AGPAT5: variants seen among roughly 807,000 people sequenced by gnomAD.
The protein encoded by AGPAT5 is 1-acylglycerol-3-phosphate O-acyltransferase 5.
Under a neutral mutation model 45.6 loss-of-function variants are expected in AGPAT5, and 46 were observed. The observed-to-expected ratio is 1.01, with a 90% CI of 0.80 to 1.29. The LOEUF is 1.29. AGPAT5 is among the 50% of genes most tolerant of loss of function. The probability of loss-of-function intolerance (pLI) is 0.00; values close to 1 mark genes in which losing one functional copy is unlikely to be tolerated. For missense variants in AGPAT5, 673 were observed against 450.7 expected, an observed-to-expected ratio of 1.49 and a Z score of -4.47; for synonymous variants, 272 against 167.0, an observed-to-expected ratio of 1.63 and a Z score of -4.85.
At chr8:6,724,279 T>C (rs542635059) in intron 1 of AGPAT5, among the ~76,000 whole-genome samples, 1 of 152,314 alleles carries the variant, frequency 6.6e-6, no homozygotes, top group African/African-American at 2.4e-5. Flanking sequence ...ACACTGCCCA[T>C]GTTCCCAACA....
At chr8:6,752,951 G>C (rs1324007668) in intron 6 of AGPAT5, among the ~76,000 whole-genome samples, 1 of 152,132 alleles carries the variant, frequency 6.6e-6, no homozygotes, top group Non-Finnish European at 1.5e-5. Context: ...CTGAACCTTA[G>C]GGACTTGGCT....
intron 4 of AGPAT5, among the ~76,000 whole-genome samples, chr8:6,740,820 C>T (rs193011459): frequency 6.6e-6 from 1 of 152,092 alleles, no homozygotes; most frequent in Admixed American, 6.5e-5. Context: ...ATCCAATAAA[C>T]GTAGTTTTCT....
chr8:6,741,510 T>G (rs1390615389), intron 4 of AGPAT5, 151 bp from the exon 5 acceptor site: 1 of 509,068 alleles, frequency 2.0e-6, no homozygotes, highest in Admixed American at 3.8e-5. Flanking sequence ...TGTTTGCCCC[T>G]CTTGAAACGA....
At chr8:6,754,993 T>C (rs1801784844) in intron 6 of AGPAT5, 58 bp from the exon 7 acceptor site, 6 of 1,392,782 alleles carry the variant, frequency 4.3e-6, no homozygotes, top group Non-Finnish European at 4.8e-6. Flanking sequence ...ATTTTTACTT[T>C]ATATGACCAT....
chr8:6,758,452 C>T lies in AGPAT5; in HGVS notation c.*1064C>T, dbSNP rs2911970. ...GTGGTGCTGCTCAGCGGCTTGCACG[C>T]AGACTTGCTAGGAAGAAATGCAGAG... On this transcript the variant is annotated 3_prime_UTR_variant, in exon 8 of 8. Coordinates refer to ENST00000285518, the MANE Select transcript of AGPAT5 (RefSeq NM_018361.5). 122,945 of 152,652 alleles carry T rather than the reference C, an allele frequency of 0.81. 50,257 individuals carry two copies. The highest frequency in any genetic ancestry group is 0.94 in the African/African-American group (39,196 of 41,560). The allele number at this position is 152,652 out of a possible 1,614,324, so 9.5% of individuals were successfully genotyped here.
intron 4 of AGPAT5, among the ~76,000 whole-genome samples, chr8:6,734,822 C>T (rs1353440932): frequency 2.0e-5 from 3 of 151,972 alleles, no homozygotes; most frequent in Admixed American, 6.6e-5. Flanking sequence ...GGGTTTTGCT[C>T]ATGTGCTTTT....
intron 2 of AGPAT5, among the ~76,000 whole-genome samples, 167 bp downstream of exon 2, chr8:6,725,106 G>A (rs1800641577): frequency 6.6e-6 from 1 of 152,160 alleles, no homozygotes; most frequent in Non-Finnish European, 1.5e-5. Flanking sequence ...TGGAAAGTCA[G>A]AAACTTGAAA....
intron 7 of AGPAT5, among the ~76,000 whole-genome samples, chr8:6,755,766 G>T (rs1030288011): frequency 1.3e-5 from 2 of 152,144 alleles, no homozygotes; most frequent in South Asian, 4.1e-4. Flanking sequence ...TTGTTTTACA[G>T]TACAGTGTTT....
chr8:6,741,472 G>A (rs1014982739), intron 4 of AGPAT5, among the ~76,000 whole-genome samples, 189 bp from the exon 5 acceptor site: 10 of 152,056 alleles, frequency 6.6e-5, no homozygotes, highest in African/African-American at 9.7e-5. Flanking sequence ...TATAGTTCAC[G>A]TTATGTTCAT....
At chr8:6,725,003 C>A in intron 2 of AGPAT5, 64 bp downstream of exon 2, 1 of 563,086 alleles carries the variant, frequency 1.8e-6, no homozygotes, top group Non-Finnish European at 2.7e-6. Context: ...ATTCAAAATA[C>A]CGTTCTTATA....
chr8:6,732,092 A>T (rs1800884100), intron 3 of AGPAT5, among the ~76,000 whole-genome samples: 1 of 152,162 alleles, frequency 6.6e-6, no homozygotes, highest in Non-Finnish European at 1.5e-5. Flanking sequence ...TAGTAGACTG[A>T]TTTGGGGGAA....
chr8:6,741,610 A>G, intron 4 of AGPAT5, 51 bp from the exon 5 acceptor site: 3 of 1,342,320 alleles, frequency 2.2e-6, no homozygotes, highest in Non-Finnish European at 3.1e-6. Context: ...GTTAACAATA[A>G]CAAAAACAAA....
intron 4 of AGPAT5, 25 bp from the exon 5 acceptor site, chr8:6,741,636 A>G (rs774800456): frequency 1.9e-6 from 3 of 1,542,256 alleles, no homozygotes; most frequent in Admixed American, 2.0e-5. Context: ...CACAAAATAA[A>G]CCAAATTTGC....
chr8:6,751,565 G>A (rs1164000348), intron 6 of AGPAT5, among the ~76,000 whole-genome samples: 4 of 152,174 alleles, frequency 2.6e-5, no homozygotes, highest in African/African-American at 4.8e-5. Flanking sequence ...AGTGTCCCTT[G>A]TCCTTCCCGT....
intron 3 of AGPAT5, among the ~76,000 whole-genome samples, chr8:6,731,930 T>C (rs1175496259): frequency 6.6e-6 from 1 of 152,226 alleles, no homozygotes. Context: ...CCGCTGGCAC[T>C]GCTTCCTCTT....
intron 4 of AGPAT5, among the ~76,000 whole-genome samples, chr8:6,740,611 G>C (rs979242773): frequency 6.6e-6 from 1 of 151,726 alleles, no homozygotes; most frequent in Non-Finnish European, 1.5e-5. Flanking sequence ...CAAAAAGCTT[G>C]CATATTTGCG....
chr8:6,733,695 T>C (rs775852646), intron 4 of AGPAT5, among the ~76,000 whole-genome samples: 2 of 152,186 alleles, frequency 1.3e-5, no homozygotes, highest in Non-Finnish European at 2.9e-5. Context: ...GTTGGTAATA[T>C]GGTTTATCGA....
intron 5 of AGPAT5, chr8:6,745,780 A>C (rs1476319181): frequency 7.2e-6 from 1 of 139,600 alleles, no homozygotes; most frequent in Non-Finnish European, 1.6e-5. Context: ...TCTGCCCTTT[A>C]TTATTCTCAG....
chr8:6,732,181 A>G (rs892150849), intron 3 of AGPAT5, among the ~76,000 whole-genome samples: 4 of 86,448 alleles, frequency 4.6e-5, no homozygotes, highest in Non-Finnish European at 9.0e-5. Context: ...ATCGTGAGAC[A>G]TGTTAAGGAC....
Sources: allele counts gnomAD v4.1 joint callset (sites outside exome capture counted in the v4.1 genomes callset), GRCh38; gene constraint gnomAD v4.1.1; transcripts MANE v1.5; gene names NCBI Gene and HGNC (gene_info 2026-07-23, HGNC 2026-07-21).